RUNX1: variants seen among roughly 807,000 people sequenced by gnomAD.
RUNX1 encodes the protein runt-related transcription factor 1.
RUNX1 carries 19 observed loss-of-function variants against 42.8 expected under a neutral mutation model. That is an observed-to-expected ratio of 0.44 (90% CI 0.31 to 0.65). The LOEUF is 0.65. Ranked by LOEUF, RUNX1 falls within the 30% of genes least tolerant of loss-of-function variation. The pLI, the probability that RUNX1 is intolerant of heterozygous loss-of-function variation, is 0.07. For missense variants in RUNX1, 528 were observed against 672.0 expected, an observed-to-expected ratio of 0.79 and a Z score of 2.37; for synonymous variants, 271 against 289.4, an observed-to-expected ratio of 0.94 and a Z score of 0.64.
intron 6 of RUNX1, among the ~76,000 whole-genome samples, chr21:34,836,815 A>T (rs2057153826): frequency 6.6e-6 from 1 of 152,138 alleles, no homozygotes; most frequent in Non-Finnish European, 1.5e-5. Flanking sequence ...GTCATTCTGA[A>T]TACACAGCAC....
intron 2 of RUNX1, chr21:35,038,927 TG>T: frequency 2.9e-6 from 1 of 350,130 alleles, no homozygotes; most frequent in African/African-American, 2.1e-5. Context: ...CCTGGTTAAT[TG>T]TAACATTGCC....
intron 3 of RUNX1, chr21:34,888,571 C>CAGA: frequency 9.4e-7 from 1 of 1,062,358 alleles, no homozygotes. Flanking sequence ...GGTTGACTTC[C>CAGA]TTCTGGCGTC....
At chr21:34,899,089 T>G (rs145383009) in intron 2 of RUNX1, among the ~76,000 whole-genome samples, 1 of 152,312 alleles carries the variant, frequency 6.6e-6, no homozygotes, top group African/African-American at 2.4e-5. Flanking sequence ...ACTTTTTGTA[T>G]TTTTTGTAAA....
rs1048774161 is a variant in RUNX1 at position 34,929,030 on chromosome 21, C to T, written c.59-36067G>A. Reference sequence around the variant, plus strand: ...AGCTCCCCCTTCTCTCTTAAATTCTCGAACCTGTAGAAAGCATCTAGGCAT... The same window carrying T: ...AGCTCCCCCTTCTCTCTTAAATTCTTGAACCTGTAGAAAGCATCTAGGCAT... On this transcript the variant is annotated intron_variant, in intron 2 of 8. Coordinates refer to ENST00000675419, the MANE Select transcript of RUNX1 (RefSeq NM_001754.5). 5.3e-5 allele frequency among the ~76,000 whole-genome samples: 8 copies of T among 151,912 alleles called. 1 individual carries two copies. Among genetic ancestry groups the T allele is most frequent in the African/African-American group, 1.9e-4 (8 of 41,388 alleles).
chr21:34,844,290 G>A (rs937320981), intron 6 of RUNX1, among the ~76,000 whole-genome samples: 1 of 152,206 alleles, frequency 6.6e-6, no homozygotes, highest in Admixed American at 6.5e-5. Flanking sequence ...TTCTGACATG[G>A]CTTTGGAGTT....
At chr21:35,015,667 G>A (rs890674013) in intron 2 of RUNX1, among the ~76,000 whole-genome samples, 1 of 152,214 alleles carries the variant, frequency 6.6e-6, no homozygotes, top group South Asian at 2.1e-4. Flanking sequence ...GATCACATAG[G>A]AAGGAGGAAG....
chr21:34,930,717 TCTCACACA>T (rs1247198938), intron 2 of RUNX1, among the ~76,000 whole-genome samples: 2 of 131,556 alleles, frequency 1.5e-5, no homozygotes, highest in East Asian at 2.2e-4. Flanking sequence ...TCTCTCTCTC[TCTCACACA>T]CACACACACA....
chr21:34,854,975 A>T (rs1279754237), intron 6 of RUNX1, among the ~76,000 whole-genome samples: 1 of 152,192 alleles, frequency 6.6e-6, no homozygotes, highest in Non-Finnish European at 1.5e-5. Flanking sequence ...TTAAACAAAC[A>T]AACAAAAAAA....
intron 7 of RUNX1, among the ~76,000 whole-genome samples, chr21:34,822,696 A>T (rs996210324): frequency 2.6e-5 from 4 of 152,242 alleles, no homozygotes; most frequent in Non-Finnish European, 5.9e-5. Context: ...TAGTGGGCAG[A>T]AAGGCCAAGT....
intron 2 of RUNX1, among the ~76,000 whole-genome samples, chr21:34,947,192 T>C (rs982647290): frequency 1.4e-4 from 21 of 152,216 alleles, no homozygotes; most frequent in African/African-American, 4.3e-4. Flanking sequence ...TTTATTATTA[T>C]AATGCACAAT....
At chr21:35,016,455 G>A (rs2059159478) in intron 2 of RUNX1, among the ~76,000 whole-genome samples, 1 of 152,148 alleles carries the variant, frequency 6.6e-6, no homozygotes, top group Admixed American at 6.5e-5. Flanking sequence ...AGTTTGTTTT[G>A]CCCACCATAC....
At chr21:34,953,174 C>T (rs149639377) in intron 2 of RUNX1, among the ~76,000 whole-genome samples, 12 of 151,682 alleles carry the variant, frequency 7.9e-5, no homozygotes, top group African/African-American at 2.7e-4. Context: ...TATGCGTCTA[C>T]GTGAACTTAA....
At chr21:35,008,969 G>A (rs1253349020) in intron 2 of RUNX1, among the ~76,000 whole-genome samples, 1 of 152,236 alleles carries the variant, frequency 6.6e-6, no homozygotes, top group East Asian at 1.9e-4. Flanking sequence ...CCCACCGACT[G>A]TAATGGAGAG....
intron 2 of RUNX1, among the ~76,000 whole-genome samples, chr21:34,952,042 C>G (rs1017990275): frequency 6.6e-6 from 1 of 152,144 alleles, no homozygotes; most frequent in African/African-American, 2.4e-5. Context: ...GAATACTATG[C>G]AGTCATAAAA....
At chr21:34,850,814 AC>A (rs1199029684) in intron 6 of RUNX1, among the ~76,000 whole-genome samples, 3 of 152,194 alleles carry the variant, frequency 2.0e-5, no homozygotes, top group African/African-American at 7.2e-5. Flanking sequence ...AAAAAAGTGT[AC>A]CATTATGGCA....
At chr21:34,940,181 T>C (rs1184284262) in intron 2 of RUNX1, among the ~76,000 whole-genome samples, 1 of 152,184 alleles carries the variant, frequency 6.6e-6, no homozygotes, top group African/African-American at 2.4e-5. Flanking sequence ...AAGTGGCTAC[T>C]GAGAATCTTG....
chr21:35,024,060 C>G (rs2059218879), intron 2 of RUNX1, among the ~76,000 whole-genome samples: 1 of 152,030 alleles, frequency 6.6e-6, no homozygotes, highest in East Asian at 1.9e-4. Context: ...CATATCTGCA[C>G]AGCAAAAGAC....
At chr21:34,822,637 A>T (rs1242531520) in intron 7 of RUNX1, among the ~76,000 whole-genome samples, 1 of 152,234 alleles carries the variant, frequency 6.6e-6, no homozygotes, top group Non-Finnish European at 1.5e-5. Flanking sequence ...ACAACAAAGT[A>T]TAGATGAAGA....
intron 2 of RUNX1, among the ~76,000 whole-genome samples, chr21:35,033,095 C>G (rs1328212636): frequency 6.6e-6 from 1 of 152,016 alleles, no homozygotes; most frequent in Non-Finnish European, 1.5e-5. Flanking sequence ...ATCTATCCAT[C>G]AATTTGTCCA....
Sources: allele counts gnomAD v4.1 joint callset (sites outside exome capture counted in the v4.1 genomes callset), GRCh38; gene constraint gnomAD v4.1.1; transcripts MANE v1.5; gene names NCBI Gene and HGNC (gene_info 2026-07-23, HGNC 2026-07-21).